ZNF169: variants seen among roughly 807,000 people sequenced by gnomAD.
ZNF169 encodes the protein zinc finger protein 169.
Under a neutral mutation model 12.0 loss-of-function variants are expected in ZNF169, and 11 were observed. The ratio of observed to expected loss-of-function variants is 0.92; its 90% CI spans 0.58 to 1.52. The LOEUF (loss-of-function observed/expected upper bound fraction) is 1.52, where lower values mean the gene tolerates loss of function less well. ZNF169 is among the 40% of genes most tolerant of loss of function. The pLI, the probability that ZNF169 is intolerant of heterozygous loss-of-function variation, is 0.00. For synonymous variants in ZNF169, 302 were observed against 286.5 expected, an observed-to-expected ratio of 1.05 and a Z score of -0.55; for missense variants, 722 against 744.0, an observed-to-expected ratio of 0.97 and a Z score of 0.34.
intron 1 of ZNF169, among the ~76,000 whole-genome samples, chr9:94,267,985 C>T (rs1182072012): frequency 3.3e-5 from 5 of 151,190 alleles, no homozygotes; most frequent in Admixed American, 1.3e-4. Context: ...CCTGCCTCAG[C>T]GTCCTGAGTA....
chr9:94,260,502 G>A (rs923085493), intron 1 of ZNF169, among the ~76,000 whole-genome samples: 20 of 152,086 alleles, frequency 1.3e-4, no homozygotes, highest in African/African-American at 4.3e-4. Flanking sequence ...GGACGGCTAG[G>A]GCCGTGCGAC....
intron 2 of ZNF169, among the ~76,000 whole-genome samples, chr9:94,281,754 G>A (rs958920459): frequency 2.0e-5 from 3 of 152,144 alleles, no homozygotes; most frequent in South Asian, 4.1e-4. Flanking sequence ...CAGGGGCTCC[G>A]AGGCTATAGG....
In ZNF169 at chr9:94,300,480, C is replaced by T; in HGVS notation, c.922C>T (p.His308Tyr). 1 of 1,614,186 alleles carries T rather than the reference C, an allele frequency of 6.2e-7. No individual in the cohort carries two copies. The highest frequency in any genetic ancestry group is 8.5e-7 in the Non-Finnish European group (1 of 1,180,038). The change falls in exon 5 of 5, where the codon CAC (histidine) becomes TAC (tyrosine). Residue 308 changes from histidine to tyrosine, a missense_variant. Coordinates refer to ENST00000395395, the MANE Select transcript of ZNF169 (RefSeq NM_194320.4). ...HFRYTSSLTNHKRIHSGERPF... is the reference protein window; with the variant it reads ...HFRYTSSLTNYKRIHSGERPF... ...CAGGTATACATCCTCTCTCACTAAT[C>T]ACAAGAGGATTCACTCCGGGGAGAG...
intron 2 of ZNF169, among the ~76,000 whole-genome samples, chr9:94,290,329 A>G (rs2118636039): frequency 6.6e-6 from 1 of 152,344 alleles, no homozygotes; most frequent in South Asian, 2.1e-4. Flanking sequence ...ACATTGTTAT[A>G]CAACCATCAC....
At chr9:94,273,991 T>G (rs1239333318) in intron 1 of ZNF169, among the ~76,000 whole-genome samples, 2 of 152,216 alleles carry the variant, frequency 1.3e-5, no homozygotes, top group African/African-American at 4.8e-5. Context: ...AGAAATTTTT[T>G]CTTCATAATT....
chr9:94,297,273 C>T (rs1830972296), intron 4 of ZNF169, among the ~76,000 whole-genome samples: 2 of 150,376 alleles, frequency 1.3e-5, no homozygotes, highest in Admixed American at 1.3e-4. Context: ...GTATAGCTCT[C>T]CATTTACATA....
At chr9:94,297,873 AT>A (rs1830982698) in intron 4 of ZNF169, among the ~76,000 whole-genome samples, 1 of 152,174 alleles carries the variant, frequency 6.6e-6, no homozygotes, top group African/African-American at 2.4e-5. Context: ...GCTCTTAAAA[AT>A]TTGTTCCAGG....
intron 1 of ZNF169, among the ~76,000 whole-genome samples, chr9:94,275,981 C>A (rs1277317224): frequency 1.3e-5 from 2 of 151,932 alleles, no homozygotes; most frequent in Non-Finnish European, 2.9e-5. Context: ...ACCATGTTGG[C>A]CAGGCTGGCC....
chr9:94,301,260 AAGCCGT>A lies in ZNF169; in HGVS notation c.1704_1709del (p.Lys568_Tyr570delinsAsn). On this transcript the variant is annotated inframe_deletion, in exon 5 of 5. Transcript: ENST00000395395. ...ACATCAGCGGACCCATTCTGGGGAGAAGCCGTATGTCTGCAGGGAGTGTGGGCGTGG... is the reference window on the plus strand; with the variant it reads ...ACATCAGCGGACCCATTCTGGGGAGAATGTCTGCAGGGAGTGTGGGCGTGG... 5 of 1,614,052 alleles carry A rather than the reference AAGCCGT, an allele frequency of 3.1e-6. No individual in the cohort carries two copies. Among genetic ancestry groups the A allele is most frequent in the Non-Finnish European group, 4.2e-6 (5 of 1,180,016 alleles).
intron 4 of ZNF169, chr9:94,293,286 C>A: frequency 1.7e-6 from 1 of 596,976 alleles, no homozygotes. Context: ...CATCAGGGAG[C>A]CTCACTCCTC....
rs762398744 is a variant in ZNF169, at chr9:94,300,236, C to A, written c.678C>A (p.Ser226Arg). 15 of 1,614,210 alleles carry A rather than the reference C, an allele frequency of 9.3e-6. No homozygotes were observed. The East Asian group carries it at 3.3e-4, about 36-fold the overall frequency. ...GACTGGGACTTAGCAAAAAGTCAAG[C>A]CTGTTCAGCCACCAGAAGCATCATG... ...NYRLGLSKKS[S>R]LFSHQKHHVC... Residue 226 changes from serine to arginine, a missense_variant, in exon 5 of 5, where the codon AGC (serine) becomes AGA (arginine). By Grantham distance (110) the Ser-to-Arg change is moderately radical (BLOSUM62 -1). Coordinates refer to ENST00000395395, the MANE Select transcript of ZNF169 (RefSeq NM_194320.4).
chr9:94,261,389 C>T (rs1472815629), intron 1 of ZNF169, among the ~76,000 whole-genome samples: 1 of 152,204 alleles, frequency 6.6e-6, no homozygotes, highest in African/African-American at 2.4e-5. Context: ...CCACCGGCCT[C>T]GGCCTCCCAA....
chr9:94,293,339 T>A, intron 4 of ZNF169: 1 of 593,288 alleles, frequency 1.7e-6, no homozygotes. Flanking sequence ...TTCTCCATTC[T>A]TGGGCTCATG....
chr9:94,266,904 C>T (rs1367120428), intron 1 of ZNF169, among the ~76,000 whole-genome samples: 1 of 140,274 alleles, frequency 7.1e-6, no homozygotes, highest in Admixed American at 7.9e-5. Context: ...AATTATTTTT[C>T]GTGTAGGCCT....
At chr9:94,278,072 CTATACT>C (rs1436436563) in intron 1 of ZNF169, among the ~76,000 whole-genome samples, 1 of 152,298 alleles carries the variant, frequency 6.6e-6, no homozygotes, top group African/African-American at 2.4e-5. Context: ...CAGTCAAGAC[CTATACT>C]TGTCATCTGA....
rs1831046549 is a variant in ZNF169, at chr9:94,300,576, C to T, written c.1018C>T (p.His340Tyr). 6.2e-7 allele frequency: 1 copy of T among 1,614,018 alleles called. No individual in the cohort carries two copies. Among genetic ancestry groups the T allele is most frequent in the Non-Finnish European group, 8.5e-7 (1 of 1,180,016 alleles). ...KIALLLHQRT[H>Y]LEEKPFVCPE... ...AGCCCTCCTTCTACACCAGAGGACG[C>T]ACTTGGAGGAGAAGCCCTTCGTGTG... Residue 340 changes from histidine (H) to tyrosine (Y), a missense_variant, in exon 5 of 5, where the codon CAC becomes TAC. Coordinates refer to ENST00000395395, the MANE Select transcript of ZNF169 (RefSeq NM_194320.4).
intron 4 of ZNF169, among the ~76,000 whole-genome samples, chr9:94,299,239 A>T (rs930979509): frequency 2.6e-5 from 4 of 152,226 alleles, no homozygotes; most frequent in Non-Finnish European, 5.9e-5. Flanking sequence ...TTCAGGAGAC[A>T]ACTCACATCA....
intron 4 of ZNF169, chr9:94,296,860 A>G (rs1202555126): frequency 4.4e-6 from 2 of 455,570 alleles, no homozygotes; most frequent in African/African-American, 2.0e-5. Context: ...TCTGGCCAAC[A>G]TAGTGAAACC....
At chr9:94,277,444 T>G (rs1830543701) in intron 1 of ZNF169, among the ~76,000 whole-genome samples, 1 of 152,184 alleles carries the variant, frequency 6.6e-6, no homozygotes, top group Non-Finnish European at 1.5e-5. Flanking sequence ...CAAGAGACTT[T>G]GTAGGGCAAT....
Sources: allele counts gnomAD v4.1 joint callset (sites outside exome capture counted in the v4.1 genomes callset), GRCh38; gene constraint gnomAD v4.1.1; transcripts MANE v1.5; gene names NCBI Gene and HGNC (gene_info 2026-07-23, HGNC 2026-07-21).